Variants in NPEPPS observed in about 807,000 individuals in gnomAD.
NPEPPS encodes puromycin-sensitive aminopeptidase.
In NPEPPS, 14 loss-of-function variants were observed where a neutral mutation model predicts 115.5. The observed-to-expected ratio is 0.12, with a 90% CI of 0.08 to 0.19. The LOEUF is 0.19. Among genes scored for constraint, NPEPPS ranks in the 10% least tolerant of loss-of-function variants. The probability of loss-of-function intolerance (pLI) is 1.00; values close to 1 mark genes in which losing one functional copy is unlikely to be tolerated. For missense variants in NPEPPS, 523 were observed against 1,110.8 expected (o/e 0.47, Z 7.52); for synonymous variants, 285 against 390.6 (o/e 0.73, Z 3.19).
chr17:47,575,430 AC>A (rs1911456222), intron 3 of NPEPPS, among the ~76,000 whole-genome samples: 1 of 143,926 alleles, frequency 6.9e-6, no homozygotes, highest in African/African-American at 2.5e-5. Context: ...TCAAATAATA[AC>A]AAACAAGTTA....
intron 3 of NPEPPS, among the ~76,000 whole-genome samples, chr17:47,577,786 G>A (rs1371387462): frequency 6.6e-6 from 1 of 152,132 alleles, no homozygotes; most frequent in Non-Finnish European, 1.5e-5. Flanking sequence ...GAGGCATCAG[G>A]CTAGAGACAG....
chr17:47,617,529 G>C (rs886933746), intron 19 of NPEPPS, among the ~76,000 whole-genome samples: 2 of 151,664 alleles, frequency 1.3e-5, no homozygotes, highest in Admixed American at 6.6e-5. Flanking sequence ...GGATAATTCT[G>C]CTTTGTCTGC....
Sources: gnomAD v4.1 joint callset for allele counts (sites outside exome capture counted in the v4.1 genomes callset) on GRCh38, gnomAD v4.1.1 for gene constraint, MANE v1.5 for transcripts, NCBI Gene and HGNC (gene_info 2026-07-23, HGNC 2026-07-21) for gene names.